COCH: variants seen among roughly 807,000 people sequenced by gnomAD.
COCH encodes coagulation factor C homolog, cochlin (Limulus polyphemus).
In COCH, 40 loss-of-function variants were observed where a neutral mutation model predicts 54.8. That is an observed-to-expected ratio of 0.73 (90% confidence interval 0.57 to 0.95). COCH has a LOEUF of 0.95. COCH is among the 40% of genes least tolerant of loss of function. The pLI is 0.00. For missense variants in COCH, 605 were observed against 675.0 expected, an observed-to-expected ratio of 0.90 and a Z score of 1.15; for synonymous variants, 256 against 237.9, an observed-to-expected ratio of 1.08 and a Z score of -0.70.
At chr14:30,882,120 GTTTT>G (rs61175020) in intron 8 of COCH, among the ~76,000 whole-genome samples, 38 of 67,896 alleles carry the variant, frequency 5.6e-4, no homozygotes, top group Non-Finnish European at 7.3e-4. Context: ...CTATAAAATG[GTTTT>G]TTTTTTTTTT....
chr14:30,891,326 A>AGAT (rs954743752), downstream of COCH, among the ~76,000 whole-genome samples: 6 of 152,130 alleles, frequency 3.9e-5, no homozygotes, highest in African/African-American at 4.8e-5. Flanking sequence ...TCTTTTCTAA[A>AGAT]GATAGGTCCT....
In COCH at chr14:30,877,914, T is replaced by C. The variant is rs556104670; in HGVS notation, c.239+186T>C. Among the ~76,000 whole-genome samples, 1 of 152,362 alleles carries C rather than the reference T, an allele frequency of 6.6e-6. No individual in the cohort carries two copies. The highest frequency in any genetic ancestry group is 6.5e-5 in the Admixed American group (1 of 15,300). Reference sequence around the variant, plus strand: ...AACACCAAATACACATGGAAAGCTTTCTGACAAAAGGCAAATAGCATTACC... The same window carrying C: ...AACACCAAATACACATGGAAAGCTTCCTGACAAAAGGCAAATAGCATTACC... On this transcript the variant is annotated intron_variant, in intron 4 of 11. Coordinates refer to ENST00000396618, the MANE Select transcript of COCH (RefSeq NM_004086.3). The surrounding 1 kb of genome is among the most constrained non-coding windows in gnomAD (Gnocchi z 8.6).
In COCH at chr14:30,879,519, G is replaced by A. The variant is rs773438700; in HGVS notation, c.436+34G>A. On this transcript the variant is annotated intron_variant, in intron 6 of 11. Coordinates refer to ENST00000396618, the MANE Select transcript of COCH (RefSeq NM_004086.3). ...TATGAAACCTATCTCCTAGTTGCCC[G>A]GCACAGCATTTGGAAGTTATGAATA... 86 of 1,604,828 alleles carry A rather than the reference G, an allele frequency of 5.4e-5. 3 individuals carry two copies. The Admixed American group carries it at 5.5e-4, about 10-fold the overall frequency.
At position 30,884,569 on chromosome 14, in the gene COCH, G is replaced by C; in HGVS notation, c.646G>C (p.Glu216Gln). The C allele has an allele frequency of 6.2e-7, 1 of 1,612,668 alleles. No individual in the cohort carries two copies. Among genetic ancestry groups the C allele is most frequent in the Non-Finnish European group, 8.5e-7 (1 of 1,178,866 alleles). Reference protein sequence around the residue: ...LVQASEHPKIEFYLKNFTSAK... With the variant: ...LVQASEHPKIQFYLKNFTSAK... ...TCCACTCAGTGAACATCCCAAAATA[G>C]AATTTTACTTGAAAAACTTTACATC... is the stretch of plus-strand genomic sequence containing the variant. Residue 216 changes from glutamate to glutamine, a missense_variant, in exon 9 of 12, where the codon GAA (glutamate) becomes CAA (glutamine). Coordinates refer to ENST00000396618, the MANE Select transcript of COCH (RefSeq NM_004086.3).
chr14:30,887,178 G>C (rs1895818380), intron 11 of COCH, among the ~76,000 whole-genome samples: 1 of 152,082 alleles, frequency 6.6e-6, no homozygotes, highest in South Asian at 2.1e-4. Flanking sequence ...GGGATCACCT[G>C]AGGTCAGGAG....
Position 30,874,583 on chromosome 14 carries a change from C to G in COCH, c.-32C>G. 2.2e-6 allele frequency: 1 copy of G among 461,606 alleles called. No individual in the cohort carries two copies. Among genetic ancestry groups the G allele is most frequent in the Non-Finnish European group, 3.9e-6 (1 of 253,394 alleles). The allele number at this position is 461,606 out of a possible 1,614,324, so 28.6% of individuals were successfully genotyped here. On this transcript the variant is annotated 5_prime_UTR_variant, in exon 1 of 12. The change creates a new upstream start codon in the 5' untranslated region. Transcript: ENST00000396618. ...CGCACTCGGGCGCAGCCGGGTGGAT[C>G]TCGAGCAGGTGCGGAGCCCCGGGCG...
chr14:30,877,353 CA>C lies in COCH; in HGVS notation c.83-218del. ...ACGAAATAAAAACCCAGAACTTTCA[CA>C]TTAGAGTTTTATAGTGGCTGGGGAC... On this transcript the variant is annotated intron_variant, in intron 3 of 11. Coordinates refer to ENST00000396618, the MANE Select transcript of COCH (RefSeq NM_004086.3). This position sits in a 1 kb window ranked among gnomAD's most constrained non-coding sequence, Gnocchi z 8.6. 1.8e-6 allele frequency: 1 copy of C among 565,106 alleles called. No individual in the cohort carries two copies. Among genetic ancestry groups the C allele is most frequent in the South Asian group, 2.1e-5 (1 of 46,662 alleles). The allele number at this position is 565,106 out of a possible 1,614,324, so 35.0% of individuals were successfully genotyped here. A position where few individuals can be genotyped will look rare whatever the true frequency, so the allele number is the denominator to read the frequency against.
At position 30,885,813 on chromosome 14, in the gene COCH, T is replaced by C. The variant is rs1895769022; in HGVS notation, c.978T>C (p.Asn326=). ...TFVDKAVCRN[N]GFFSYHMPNW... is the part of the protein sequence containing the mutation. ...CCCATTAGGCTGTCTGTCGGAATAA[T>C]GGCTTCTTCTCTTACCACATGCCCA... is the stretch of plus-strand genomic sequence containing the variant. The change falls in exon 11 of 12, where the codon AAT becomes AAC. Residue 326 remains asparagine (N), a synonymous_variant. Transcript: ENST00000396618. The C allele has an allele frequency of 3.1e-6, 5 of 1,614,012 alleles. No homozygotes were observed. In the Admixed American group the frequency reaches 6.7e-5, roughly 22 times the overall value.
chr14:30,888,504 A>G lies in COCH; in HGVS notation c.1478-1112A>G, dbSNP rs150443948. 5.0e-3 allele frequency among the ~76,000 whole-genome samples: 648 copies of G among 128,712 alleles called. 2 individuals carry two copies. The highest frequency in any genetic ancestry group is 9.0e-3 in the Non-Finnish European group (511 of 57,094). The allele number at this position is 128,712 out of a possible 152,430, so 84.4% of individuals were successfully genotyped here. A position where few individuals can be genotyped will look rare whatever the true frequency, so the allele number is the denominator to read the frequency against. On this transcript the variant is annotated intron_variant, in intron 11 of 11. Transcript: ENST00000396618. ...CACTAAGAATCTGCTAAATGAGGCCAGGTGTGGTGGCTTATGCCTGTAATC... is the reference window on the plus strand; with the variant it reads ...CACTAAGAATCTGCTAAATGAGGCCGGGTGTGGTGGCTTATGCCTGTAATC...
At position 30,889,762 on chromosome 14, in the gene COCH, T is replaced by C. The variant is rs1213152015; in HGVS notation, c.1624T>C (p.Cys542Arg). 1 of 1,610,838 alleles carries C rather than the reference T, an allele frequency of 6.2e-7. No individual in the cohort carries two copies. The highest frequency in any genetic ancestry group is 1.1e-5 in the South Asian group (1 of 90,930). Residue 542 changes from cysteine (C) to arginine (R), a missense_variant, in exon 12 of 12, where the codon TGT (cysteine) becomes CGT (arginine). Cys to Arg is a radical substitution (Grantham distance 180). Coordinates refer to ENST00000396618, the MANE Select transcript of COCH (RefSeq NM_004086.3). ...TGTTTCTGATGTCATCAGAGGCATT[T>C]GTAGAGATTTCTTAGAATCCCAGCA... is the stretch of plus-strand genomic sequence containing the variant. ...PIVSDVIRGI[C>R]RDFLESQQ is the part of the protein sequence containing the mutation.
chr14:30,889,990 ACTG>A lies in COCH; in HGVS notation c.*203_*205del. On this transcript the variant is annotated 3_prime_UTR_variant, in exon 12 of 12. Transcript: ENST00000396618. ...ATTTACAGTGTACTTTGTTAAAAAC[ACTG>A]CTGAGGCTTCATAATCATGGCTCTT... The A allele has an allele frequency of 1.5e-6, 2 of 1,312,056 alleles. No homozygotes were observed. The highest frequency in any genetic ancestry group is 1.9e-6 in the Non-Finnish European group (2 of 1,028,926). 81.3% of individuals were successfully genotyped at this position (1,312,056 alleles called of 1,614,324 possible).
intron 3 of COCH, chr14:30,875,816 C>CA (rs1430117252): frequency 1.3e-5 from 2 of 152,538 alleles, no homozygotes; most frequent in Non-Finnish European, 2.9e-5. Flanking sequence ...TAACAAAAGT[C>CA]AGTGTTCGCA....
chr14:30,893,375 A>T (rs1896040848), downstream of COCH, among the ~76,000 whole-genome samples: 1 of 151,758 alleles, frequency 6.6e-6, no homozygotes, highest in African/African-American at 2.4e-5. Flanking sequence ...GATGGTCTTG[A>T]TCTCCTGACC....
At chr14:30,878,150 C>G (rs1895436604) in intron 4 of COCH, among the ~76,000 whole-genome samples, 2 of 152,122 alleles carry the variant, frequency 1.3e-5, no homozygotes, top group Admixed American at 6.5e-5. Context: ...GCCATGCTAT[C>G]CTGTAGTAGA....
chr14:30,886,121 A>G lies in COCH; in HGVS notation c.1286A>G (p.Asn429Ser), dbSNP rs757948966. The G allele has an allele frequency of 1.9e-6, 3 of 1,613,864 alleles. 1 individual carries two copies. The highest frequency in any genetic ancestry group is 2.7e-5 in the African/African-American group (2 of 75,060). ...FSFTDYSTKE[N>S]VLAVIRNIRY... Reference sequence around the variant, plus strand: ...TTCACTGACTATAGCACCAAAGAGAATGTCCTAGCTGTCATCAGAAACATC... The same window carrying G: ...TTCACTGACTATAGCACCAAAGAGAGTGTCCTAGCTGTCATCAGAAACATC... Residue 429 changes from asparagine to serine, a missense_variant, in exon 11 of 12, where the codon AAT becomes AGT. Asn to Ser is a conservative substitution (Grantham distance 46). Coordinates refer to ENST00000396618, the MANE Select transcript of COCH (RefSeq NM_004086.3).
downstream of COCH, chr14:30,895,508 T>C (rs1315986791): frequency 1.9e-6 from 3 of 1,614,064 alleles, no homozygotes; most frequent in African/African-American, 2.7e-5. Flanking sequence ...ATCCAATTTC[T>C]TTCTGTGAGC....
rs770529357 is a variant in COCH, at chr14:30,875,055, GGT to G, written c.41_42del (p.Cys14SerfsTer43). Reference protein sequence around the residue: ...SAAWIPALGLGVCLLLLPGPA... With the variant: ...SAAWIPALGLXVCLLLLPGPA... ...CAGCCCTCACGCTTCTCTCTTCGCA[GGT>G]GTGTGTCTGCTGCTGCTGCCGGGGC... On this transcript the variant is annotated frameshift_variant and splice_region_variant, in exon 3 of 12. Transcript: ENST00000396618. LOFTEE classifies it high-confidence loss of function. The G allele has an allele frequency of 2.5e-6, 4 of 1,610,634 alleles. No homozygotes were observed. The highest frequency in any genetic ancestry group is 3.4e-6 in the Non-Finnish European group (4 of 1,178,984).
intron 11 of COCH, 65 bp from the exon 12 acceptor site, chr14:30,889,551 T>C (rs1025295293): frequency 3.9e-5 from 54 of 1,395,690 alleles, no homozygotes; most frequent in Non-Finnish European, 5.1e-5. Context: ...GGAAAACATA[T>C]AGACATAATT....
intron 11 of COCH, among the ~76,000 whole-genome samples, chr14:30,888,770 A>C (rs1594389465): frequency 6.6e-6 from 1 of 151,550 alleles, no homozygotes; most frequent in Non-Finnish European, 1.5e-5. Context: ...CAGCATGGGC[A>C]AAAGAGCCAG....
Sources: gnomAD v4.1 joint callset for allele counts (sites outside exome capture counted in the v4.1 genomes callset) on GRCh38, gnomAD v4.1.1 for gene constraint, Gnocchi (gnomAD v3.1) non-coding constraint, MANE v1.5 for transcripts, NCBI Gene and HGNC (gene_info 2026-07-23, HGNC 2026-07-21) for gene names.